Variants in MBD5 observed in about 807,000 individuals in gnomAD.
The protein encoded by MBD5 is methyl-CpG-binding domain protein 5.
In MBD5, 13 loss-of-function variants were observed where a neutral mutation model predicts 117.3. The ratio of observed to expected loss-of-function variants is 0.11; its 90% CI spans 0.07 to 0.18. The LOEUF (loss-of-function observed/expected upper bound fraction) is 0.18, where lower values mean the gene tolerates loss of function less well. MBD5 is among the 10% of genes least tolerant of loss of function. The pLI, the probability that MBD5 is intolerant of heterozygous loss-of-function variation, is 1.00. For missense variants in MBD5, 1,879 were observed against 2,093.8 expected, an observed-to-expected ratio of 0.90 and a Z score of 2.00; for synonymous variants, 727 against 766.4, an observed-to-expected ratio of 0.95 and a Z score of 0.85.
chr2:148,074,507 G>GTTTTTTTTTTTTTTTT (rs11443189), intron 1 of MBD5, among the ~76,000 whole-genome samples: 17 of 113,768 alleles, frequency 1.5e-4, no homozygotes, highest in African/African-American at 3.1e-4. Context: ...TTTTTTTTTT[G>GTTTTTTTTTTTTTTTT]TTTTTTTTTT....
chr2:148,155,519 A>G (rs1172812415), intron 1 of MBD5, among the ~76,000 whole-genome samples: 1 of 152,130 alleles, frequency 6.6e-6, no homozygotes, highest in African/African-American at 2.4e-5. Context: ...TGTCCTCCAC[A>G]TCTTGTAAGT....
intron 4 of MBD5, among the ~76,000 whole-genome samples, chr2:148,443,603 G>T (rs894885052): frequency 2.0e-5 from 3 of 151,368 alleles, no homozygotes; most frequent in African/African-American, 7.4e-5. Context: ...GATTGGAATT[G>T]GAGGTCATTA....
chr2:148,231,676 T>C (rs763930674), intron 2 of MBD5, among the ~76,000 whole-genome samples: 1 of 152,214 alleles, frequency 6.6e-6, no homozygotes, highest in Non-Finnish European at 1.5e-5. Flanking sequence ...AATGAATATA[T>C]GTTTTACTGC....
At chr2:148,225,664 T>A (rs774969082) in intron 2 of MBD5, among the ~76,000 whole-genome samples, 2 of 152,196 alleles carry the variant, frequency 1.3e-5, no homozygotes, top group African/African-American at 2.4e-5. Flanking sequence ...ATCCCTAAGC[T>A]TTTGTTTGTC....
intron 3 of MBD5, among the ~76,000 whole-genome samples, chr2:148,311,688 A>G (rs1559017184): frequency 6.6e-6 from 1 of 152,206 alleles, no homozygotes; most frequent in East Asian, 1.9e-4. Context: ...TGATCCTGTC[A>G]TTATGATGCT....
At chr2:148,087,690 C>T (rs562509977) in intron 1 of MBD5, among the ~76,000 whole-genome samples, 1 of 152,280 alleles carries the variant, frequency 6.6e-6, no homozygotes, top group Admixed American at 6.5e-5. Flanking sequence ...CAAGGGATTG[C>T]CCCATGGTGC....
intron 1 of MBD5, among the ~76,000 whole-genome samples, chr2:148,167,849 T>A (rs1054927251): frequency 6.6e-6 from 1 of 152,162 alleles, no homozygotes; most frequent in Non-Finnish European, 1.5e-5. Flanking sequence ...GTTTGCTTGG[T>A]TTATTTTGTT....
intron 3 of MBD5, among the ~76,000 whole-genome samples, chr2:148,328,772 T>G (rs1214171272): frequency 2.0e-5 from 3 of 152,146 alleles, no homozygotes; most frequent in African/African-American, 7.2e-5. Context: ...ACCCAGTACC[T>G]CAGATGGAAA....
intron 3 of MBD5, among the ~76,000 whole-genome samples, chr2:148,297,031 C>T (rs928263061): frequency 1.3e-5 from 2 of 151,318 alleles, no homozygotes; most frequent in African/African-American, 2.4e-5. Context: ...CCTGCCACCA[C>T]GCCCGACTAA....
In MBD5 at chr2:148,231,744, G is replaced by A. The variant is rs551666124; in HGVS notation, c.-830-1501G>A. ...TTCCCAGACGTCTTGGATGGGAGGG[G>A]AGAAGGGTAGGAGATGTTGCATAAT... On this transcript the variant is annotated intron_variant, in intron 2 of 13. Transcript: ENST00000642680. Among the ~76,000 whole-genome samples, 522 of 152,272 alleles carry A rather than the reference G, an allele frequency of 3.4e-3. 2 individuals are homozygous for A. Among genetic ancestry groups the A allele is most frequent in the African/African-American group, 0.012 (506 of 41,556 alleles).
intron 1 of MBD5, among the ~76,000 whole-genome samples, chr2:148,109,376 C>A (rs1696453412): frequency 6.6e-6 from 1 of 152,120 alleles, no homozygotes. Flanking sequence ...ACAATATGGT[C>A]ATTGCATCAC....
At chr2:148,108,473 C>T (rs1248008401) in intron 1 of MBD5, among the ~76,000 whole-genome samples, 1 of 150,938 alleles carries the variant, frequency 6.6e-6, no homozygotes, top group Admixed American at 6.6e-5. Context: ...ACTAAGTAGC[C>T]TTTTGTGGTC....
chr2:148,066,356 T>C (rs1289278564), intron 1 of MBD5, among the ~76,000 whole-genome samples: 4 of 152,192 alleles, frequency 2.6e-5, no homozygotes, highest in Admixed American at 1.3e-4. Flanking sequence ...ACCATTGTTT[T>C]ACTAGGTAAA....
At chr2:148,456,289 T>A (rs1706880778) in intron 4 of MBD5, among the ~76,000 whole-genome samples, 1 of 152,126 alleles carries the variant, frequency 6.6e-6, no homozygotes, top group African/African-American at 2.4e-5. Context: ...CTGGTGCATG[T>A]GGTCTTTTCA....
intron 4 of MBD5, among the ~76,000 whole-genome samples, chr2:148,402,317 C>T (rs1018401590): frequency 1.3e-5 from 2 of 152,030 alleles, no homozygotes; most frequent in Non-Finnish European, 2.9e-5. Flanking sequence ...ATTCCTCCTA[C>T]TTTTATTACG....
chr2:148,294,501 G>GTTTTTTTTTTTGTTTTTTTT (rs1701590307), intron 3 of MBD5, among the ~76,000 whole-genome samples: 1 of 113,216 alleles, frequency 8.8e-6, no homozygotes, highest in African/African-American at 3.7e-5. Flanking sequence ...TGGGATTACA[G>GTTTTTTTTTTTGTTTTTTTT]TTTTTTTTTT....
At chr2:148,165,888 T>C (rs1317918072) in intron 1 of MBD5, among the ~76,000 whole-genome samples, 26 of 152,190 alleles carry the variant, frequency 1.7e-4, no homozygotes, top group Non-Finnish European at 7.4e-5. Context: ...AATTGTCTGA[T>C]AATATTTTGG....
chr2:148,317,389 A>ACC (rs1702180341), intron 3 of MBD5, among the ~76,000 whole-genome samples: 1 of 152,114 alleles, frequency 6.6e-6, no homozygotes, highest in Non-Finnish European at 1.5e-5. Flanking sequence ...AATTGAGTTA[A>ACC]CCACATCTAA....
intron 13 of MBD5, among the ~76,000 whole-genome samples, chr2:148,511,014 T>C (rs1432364459): frequency 6.6e-6 from 1 of 152,058 alleles, no homozygotes; most frequent in Admixed American, 6.5e-5. Flanking sequence ...TGGGTTAGGG[T>C]AGGCTACCAA....
Sources: gnomAD v4.1 joint callset for allele counts (sites outside exome capture counted in the v4.1 genomes callset) on GRCh38, gnomAD v4.1.1 for gene constraint, MANE v1.5 for transcripts, NCBI Gene and HGNC (gene_info 2026-07-23, HGNC 2026-07-21) for gene names.